The following MYO5C variants were observed in gnomAD, a reference collection of about 807,000 sequenced individuals.
MYO5C encodes unconventional myosin-Vc.
Under a neutral mutation model 235.7 loss-of-function variants are expected in MYO5C, and 194 were observed. The observed-to-expected ratio is 0.82, with a 90% CI of 0.73 to 0.93. MYO5C has a LOEUF of 0.93. MYO5C is among the 40% of genes least tolerant of loss of function. MYO5C has a pLI of 0.00. For synonymous variants in MYO5C, 707 were observed against 754.8 expected (o/e 0.94, Z 1.04); for missense variants, 2,038 against 2,127.2 (o/e 0.96, Z 0.82).
chr15:52,247,675 C>T, intron 14 of MYO5C, 83 bp from the exon 15 acceptor site: 1 of 1,491,514 alleles, frequency 6.7e-7, no homozygotes, highest in Non-Finnish European at 9.1e-7. Flanking sequence ...ATGGTGACAA[C>T]AACTCAGCTA....
Position 52,213,279 on chromosome 15 carries a change from A to C in MYO5C, c.4050T>G (p.Asp1350Glu). ...TLSKTIGKAN[D>E]VHSSSGPKEY... is the part of the protein sequence containing the mutation. ...CCTTGGGTCCTGAGGACGAGTGCAC[A>C]TCATTGGCTGTAGACAGAGGCAAAC... The change falls in exon 34 of 41, where the codon GAT (aspartate) becomes GAG (glutamate). Residue 1350 changes from aspartate to glutamate, a missense_variant. Asp to Glu is a conservative substitution (Grantham distance 45). Transcript: ENST00000261839. The C allele has an allele frequency of 6.2e-7, 1 of 1,613,462 alleles. No homozygotes were observed. The highest frequency in any genetic ancestry group is 1.1e-5 in the South Asian group (1 of 91,044).
chr15:52,239,863 T>G lies in MYO5C; in HGVS notation c.2573A>C (p.Lys858Thr), dbSNP rs753450365. ...RRYRKMLEEH[K>T]AVILQKYARA... ...TGCGTATTTCTGTAGGATCACAGCCTTATGTTCCTCCAGCATCTTTAAAAC... is the reference window on the plus strand; with the variant it reads ...TGCGTATTTCTGTAGGATCACAGCCGTATGTTCCTCCAGCATCTTTAAAAC... Residue 858 changes from lysine (K) to threonine (T), a missense_variant, in exon 21 of 41, where the codon AAG becomes ACG. By Grantham distance (78) the Lys-to-Thr change is moderately conservative. Coordinates refer to ENST00000261839, the MANE Select transcript of MYO5C (RefSeq NM_018728.4). The G allele has an allele frequency of 6.2e-7, 1 of 1,610,850 alleles. No homozygotes were observed. Among genetic ancestry groups the G allele is most frequent in the Non-Finnish European group, 8.5e-7 (1 of 1,178,212 alleles).
rs906563408 is a variant in MYO5C at position 52,245,433 on chromosome 15, C to G, written c.2099G>C (p.Gly700Ala). The change falls in exon 18 of 41, where the codon GGC (glycine) becomes GCC (alanine). Residue 700 changes from glycine (G) to alanine (A), a missense_variant. By Grantham distance (60) the Gly-to-Ala change is moderately conservative. Transcript: ENST00000261839. ...WTYIEFYSRY[G>A]ILMTKQELSF... ...AAGCTCTTGCTTGGTCATGAGAATG[C>G]CGTAGCGACTGTAGAACTCGATGTA... The G allele has an allele frequency of 1.2e-5, 19 of 1,613,942 alleles. No homozygotes were observed. The highest frequency in any genetic ancestry group is 1.5e-5 in the Non-Finnish European group (18 of 1,179,980).
At chr15:52,264,064 C>A in intron 9 of MYO5C, 126 bp downstream of exon 9, 1 of 644,180 alleles carries the variant, frequency 1.6e-6, no homozygotes, top group Non-Finnish European at 2.7e-6. Context: ...CCGCCTGCCT[C>A]CTGTTAAACC....
chr15:52,279,190 G>T (rs1412904573), intron 3 of MYO5C, among the ~76,000 whole-genome samples, 173 bp from the exon 4 acceptor site: 1 of 152,068 alleles, frequency 6.6e-6, no homozygotes, highest in African/African-American at 2.4e-5. Flanking sequence ...CCCTCGGGCT[G>T]TTCTGACGGT....
chr15:52,248,827 A>G (rs1428286545), intron 13 of MYO5C, 44 bp from the exon 14 acceptor site: 1 of 1,299,884 alleles, frequency 7.7e-7, no homozygotes, highest in African/African-American at 1.5e-5. Context: ...AGGCCAAAGA[A>G]TATAGCCTCT....
chr15:52,237,336 A>G, intron 22 of MYO5C, 146 bp downstream of exon 22: 1 of 950,038 alleles, frequency 1.1e-6, no homozygotes, highest in Non-Finnish European at 1.6e-6. Context: ...CCTTTCCTAA[A>G]AGGTAGGCTC....
intron 33 of MYO5C, 49 bp from the exon 34 acceptor site, chr15:52,213,335 C>A (rs1299990670): frequency 2.9e-6 from 4 of 1,376,794 alleles, no homozygotes; most frequent in Non-Finnish European, 4.1e-6. Flanking sequence ...GCAGCTTTCA[C>A]AGGTCTCACA....
At chr15:52,228,007 C>T (rs544843046) in intron 25 of MYO5C, among the ~76,000 whole-genome samples, 1 of 152,298 alleles carries the variant, frequency 6.6e-6, no homozygotes, top group South Asian at 2.1e-4. Context: ...TTTAACTTTT[C>T]TGGTAGGGAA....
chr15:52,230,372 C>A (rs999102804), intron 24 of MYO5C, among the ~76,000 whole-genome samples: 5 of 151,930 alleles, frequency 3.3e-5, no homozygotes, highest in African/African-American at 4.8e-5. Context: ...AAGAGAGCCA[C>A]ATTCCTAATA....
chr15:52,247,159 T>A, intron 15 of MYO5C, 145 bp from the exon 16 acceptor site: 1 of 701,276 alleles, frequency 1.4e-6, no homozygotes, highest in Non-Finnish European at 2.4e-6. Flanking sequence ...AAGGTTTCAG[T>A]CCGTGACTGT....
rs1596245443 is a variant in MYO5C, at chr15:52,295,689, G to A, written c.-53C>T. On this transcript the variant is annotated 5_prime_UTR_variant, in exon 1 of 41. Coordinates refer to ENST00000261839, the MANE Select transcript of MYO5C (RefSeq NM_018728.4). ...GGCTGCCGAACGTGCGAGGCTCGGG[G>A]GCTGGGCCTGCGCCGCAGAGGCCGG... 13 of 1,261,614 alleles carry A rather than the reference G, an allele frequency of 1.0e-5. No individual in the cohort carries two copies. The highest frequency in any genetic ancestry group is 1.3e-5 in the Non-Finnish European group (13 of 966,936). The allele number at this position is 1,261,614 out of a possible 1,614,324, so 78.2% of individuals were successfully genotyped here.
intron 10 of MYO5C, among the ~76,000 whole-genome samples, chr15:52,258,481 C>T (rs1427337920): frequency 2.6e-5 from 4 of 152,198 alleles, no homozygotes; most frequent in Non-Finnish European, 5.9e-5. Flanking sequence ...TGGGGAGTCA[C>T]CAGCCTTCAT....
In MYO5C at chr15:52,214,608, C is replaced by G; in HGVS notation, c.4037G>C (p.Gly1346Ala). The G allele has an allele frequency of 6.3e-7, 1 of 1,598,476 alleles. No individual in the cohort carries two copies. Among genetic ancestry groups the G allele is most frequent in the Non-Finnish European group, 8.5e-7 (1 of 1,171,966 alleles). The change falls in exon 33 of 41, where the codon GGA becomes GCA. Residue 1346 changes from glycine to alanine, a missense_variant. By Grantham distance (60) the Gly-to-Ala change is moderately conservative. Coordinates refer to ENST00000261839, the MANE Select transcript of MYO5C (RefSeq NM_018728.4). ...DQVKTLSKTI[G>A]KANDVHSSSG... ...AAACAAGTATTGTTTCTTACCTTTT[C>G]CAATTGTCTTGCTTAGTGTCTTGAC...
intron 9 of MYO5C, 140 bp from the exon 10 acceptor site, chr15:52,261,267 G>T: frequency 1.0e-6 from 1 of 983,722 alleles, no homozygotes; most frequent in Non-Finnish European, 1.5e-6. Context: ...CCAGCCTCAG[G>T]AGGTGGAGAT....
chr15:52,271,922 C>A, intron 6 of MYO5C, 78 bp from the exon 7 acceptor site: 1 of 804,926 alleles, frequency 1.2e-6, no homozygotes, highest in East Asian at 2.7e-5. Flanking sequence ...CTAGAGGGTC[C>A]TAGATATCTA....
At chr15:52,285,566 C>T (rs1010206459) in intron 1 of MYO5C, among the ~76,000 whole-genome samples, 8 of 152,316 alleles carry the variant, frequency 5.3e-5, no homozygotes, top group African/African-American at 1.9e-4. Flanking sequence ...GCCATCTCGG[C>T]TCACTGCAAC....
intron 4 of MYO5C, chr15:52,277,211 A>G: frequency 1.9e-6 from 1 of 530,794 alleles, no homozygotes; most frequent in South Asian, 1.4e-5. Context: ...CTAGCATCAA[A>G]CAAGGCCAAC....
chr15:52,295,762 A>G lies in MYO5C; in HGVS notation c.-126T>C, dbSNP rs1006674773. The G allele has an allele frequency of 4.9e-5, 30 of 612,756 alleles. No individual in the cohort carries two copies. In the Middle Eastern group the frequency reaches 1.0e-3, roughly 21 times the overall value. 38.0% of individuals were successfully genotyped at this position (612,756 alleles called of 1,614,324 possible). On this transcript the variant is annotated 5_prime_UTR_variant, in exon 1 of 41. Coordinates refer to ENST00000261839, the MANE Select transcript of MYO5C (RefSeq NM_018728.4). ...AATCACCGCCGGGCCATCTTGCCCA[A>G]AGTTTTCCAACGGCCTCCTGTTCCC...
Sources: gnomAD v4.1 joint callset for allele counts (sites outside exome capture counted in the v4.1 genomes callset) on GRCh38, gnomAD v4.1.1 for gene constraint, MANE v1.5 for transcripts, NCBI Gene and HGNC (gene_info 2026-07-23, HGNC 2026-07-21) for gene names.